TAF2: variants seen among roughly 807,000 people sequenced by gnomAD.
TAF2 encodes the protein TATA-box binding protein associated factor 2.
TAF2 carries 61 observed loss-of-function variants against 138.5 expected under a neutral mutation model. That is an observed-to-expected ratio of 0.44 (90% CI 0.36 to 0.54). TAF2 has a LOEUF of 0.54. TAF2 is among the 20% of genes least tolerant of loss of function. The probability of loss-of-function intolerance (pLI) is 0.00; values close to 1 mark genes in which losing one functional copy is unlikely to be tolerated. For missense variants in TAF2, 1,090 were observed against 1,427.9 expected (o/e 0.76, Z 3.81); for synonymous variants, 475 against 469.9 (o/e 1.01, Z -0.14).
chr8:119,829,180 G>A, intron 2 of TAF2, among the ~76,000 whole-genome samples: 1 of 152,178 alleles, frequency 6.6e-6, no homozygotes, highest in East Asian at 1.9e-4. Context: ...CCTACGAGTT[G>A]CATTAACTGG....
chr8:119,816,059 T>C (rs966215769), intron 3 of TAF2, among the ~76,000 whole-genome samples: 1 of 150,816 alleles, frequency 6.6e-6, no homozygotes, highest in African/African-American at 2.4e-5. Flanking sequence ...TCTTTTTTTT[T>C]TTTTTTTTTG....
intron 2 of TAF2, among the ~76,000 whole-genome samples, chr8:119,821,594 C>T (rs938118584): frequency 1.3e-5 from 2 of 152,128 alleles, no homozygotes; most frequent in Admixed American, 1.3e-4. Flanking sequence ...GTAGTGTCAC[C>T]GTGAAAAGCA....
intron 17 of TAF2, among the ~76,000 whole-genome samples, chr8:119,779,307 A>C (rs1822479732): frequency 6.6e-6 from 1 of 151,640 alleles, no homozygotes; most frequent in South Asian, 2.1e-4. Flanking sequence ...TACAAATTTA[A>C]AAGTGAACCC....
Position 119,746,742 on chromosome 8 carries a change from G to C in TAF2, c.3071C>G (p.Pro1024Arg). 6.2e-7 allele frequency: 1 copy of C among 1,614,076 alleles called. No homozygotes were observed. The highest frequency in any genetic ancestry group is 8.5e-7 in the Non-Finnish European group (1 of 1,180,010). ...VAGNQEAANN[P>R]SSHPQLVGFQ... ...TCCAACTAGCTGTGGGTGACTGCTT[G>C]GATTATTTGCAGCTTCTTGGTTGCC... The change falls in exon 23 of 26, where the codon CCA becomes CGA. Residue 1024 changes from proline to arginine, a missense_variant. Around this residue, in one of 3 missense-constraint regions of TAF2, gnomAD observed 580 missense variants for 719.6 expected, o/e 0.81. Transcript: ENST00000378164.
chr8:119,782,634 A>C (rs1822745898), intron 16 of TAF2, among the ~76,000 whole-genome samples: 1 of 152,188 alleles, frequency 6.6e-6, no homozygotes, highest in African/African-American at 2.4e-5. Context: ...AATACCTGGA[A>C]AACATTATTT....
intron 7 of TAF2, 101 bp downstream of exon 7, chr8:119,797,560 GA>G (rs1287077952): frequency 4.3e-5 from 54 of 1,269,104 alleles, no homozygotes; most frequent in Non-Finnish European, 5.8e-5. Flanking sequence ...CCAAATTGCG[GA>G]AAAAAGTTCA....
chr8:119,822,569 T>C lies in TAF2; in HGVS notation c.139-3063A>G, dbSNP rs112679029. 5.6e-4 allele frequency among the ~76,000 whole-genome samples: 85 copies of C among 152,284 alleles called. 1 individual carries two copies. The highest frequency in any genetic ancestry group is 1.8e-3 in the African/African-American group (76 of 41,560). On this transcript the variant is annotated intron_variant, in intron 2 of 25. Coordinates refer to ENST00000378164, the MANE Select transcript of TAF2 (RefSeq NM_003184.4). The stretch of plus-strand genomic sequence containing the variant: ...CAAGTCTGCCATCACTCTAAGTGAC[T>C]TGAATATAGATATGTCTGATCCATC...
At chr8:119,765,683 T>C (rs1396694683) in intron 18 of TAF2, among the ~76,000 whole-genome samples, 1 of 152,184 alleles carries the variant, frequency 6.6e-6, no homozygotes, top group African/African-American at 2.4e-5. Flanking sequence ...GAAATTCAGG[T>C]GAGCTCCATC....
chr8:119,776,332 A>T (rs1822232243), intron 18 of TAF2, among the ~76,000 whole-genome samples: 1 of 148,254 alleles, frequency 6.7e-6, no homozygotes, highest in Non-Finnish European at 1.5e-5. Flanking sequence ...TCATCTTTTA[A>T]TAAACATGCC....
At chr8:119,748,924 AAAAAAAC>A (rs1042985829) in intron 22 of TAF2, among the ~76,000 whole-genome samples, 10 of 137,164 alleles carry the variant, frequency 7.3e-5, no homozygotes, top group Non-Finnish European at 1.5e-4. Flanking sequence ...AGTTAAAAAA[AAAAAAAC>A]AAAAAACAGA....
At chr8:119,796,924 G>A in intron 8 of TAF2, 66 bp downstream of exon 8, 1 of 1,154,910 alleles carries the variant, frequency 8.7e-7, no homozygotes, top group Non-Finnish European at 1.3e-6. Flanking sequence ...CAGCTTAAAT[G>A]CAGAGAAAGA....
intron 3 of TAF2, among the ~76,000 whole-genome samples, chr8:119,815,006 C>T (rs1825357909): frequency 1.3e-5 from 2 of 151,526 alleles, no homozygotes; most frequent in African/African-American, 4.8e-5. Flanking sequence ...CTTTGGGAGG[C>T]CGAGGCAGGC....
intron 3 of TAF2, among the ~76,000 whole-genome samples, chr8:119,812,016 C>T (rs1396489315): frequency 6.6e-6 from 1 of 151,888 alleles, no homozygotes; most frequent in Non-Finnish European, 1.5e-5. Context: ...AAAGTGACAA[C>T]AGCTGCTCAG....
intron 2 of TAF2, among the ~76,000 whole-genome samples, chr8:119,829,737 G>A (rs10090726): frequency 0.033 from 5,069 of 152,122 alleles, 159 homozygotes; most frequent in South Asian, 0.11. Flanking sequence ...AACACAGGTG[G>A]AAGGGGGAAT....
Position 119,808,273 on chromosome 8 carries a change from C to T in TAF2, c.300-1872G>A, listed in dbSNP as rs533286112. 9.3e-4 allele frequency among the ~76,000 whole-genome samples: 142 copies of T among 152,340 alleles called. 1 individual carries two copies. Among genetic ancestry groups the T allele is most frequent in the African/African-American group, 3.1e-3 (129 of 41,590 alleles). On this transcript the variant is annotated intron_variant, in intron 3 of 25. Transcript: ENST00000378164. ...GCATCTTCACCAGTAGATCCCATCT[C>T]AAGAAACCACTTTCTTTGCTCATCC...
chr8:119,744,849 C>T (rs1198163831), intron 23 of TAF2: 1 of 455,078 alleles, frequency 2.2e-6, no homozygotes, highest in African/African-American at 2.0e-5. Flanking sequence ...ATATCCTACA[C>T]TGTTAATACA....
At chr8:119,797,196 G>A in intron 7 of TAF2, 93 bp from the exon 8 acceptor site, 2 of 924,734 alleles carry the variant, frequency 2.2e-6, no homozygotes, top group Non-Finnish European at 3.3e-6. Context: ...AACAATGGAA[G>A]CTAAATAGAG....
intron 18 of TAF2, among the ~76,000 whole-genome samples, chr8:119,768,926 G>A (rs371021476): frequency 6.6e-6 from 1 of 152,144 alleles, no homozygotes; most frequent in East Asian, 1.9e-4. Context: ...GGAGACAGAC[G>A]ACAGTGTGCA....
At chr8:119,806,539 A>T in intron 3 of TAF2, 138 bp from the exon 4 acceptor site, 1 of 665,460 alleles carries the variant, frequency 1.5e-6, no homozygotes, top group Non-Finnish European at 2.6e-6. Context: ...GCACCATCTC[A>T]ACTCACTGCA....
Sources: gnomAD v4.1 joint callset for allele counts (sites outside exome capture counted in the v4.1 genomes callset) on GRCh38, gnomAD v4.1.1 for gene constraint, gnomAD v4.1.1 regional missense constraint, MANE v1.5 for transcripts, NCBI Gene and HGNC (gene_info 2026-07-23, HGNC 2026-07-21) for gene names.